ITGAD: variants seen among roughly 807,000 people sequenced by gnomAD.
The protein encoded by ITGAD is integrin subunit alpha D.
ITGAD carries 105 observed loss-of-function variants against 139.0 expected under a neutral mutation model. The ratio of observed to expected loss-of-function variants is 0.76; its 90% CI spans 0.65 to 0.89. ITGAD has a LOEUF of 0.89. ITGAD is among the 40% of genes least tolerant of loss of function. ITGAD has a pLI of 0.00. For synonymous variants in ITGAD, 569 were observed against 598.3 expected (o/e 0.95, Z 0.71); for missense variants, 1,384 against 1,487.3 (o/e 0.93, Z 1.14).
At position 31,426,311 on chromosome 16, in the gene ITGAD, C is replaced by G; in HGVS notation, c.*183C>G. 3.7e-6 allele frequency: 2 copies of G among 536,172 alleles called. No homozygotes were observed. Among genetic ancestry groups the G allele is most frequent in the Non-Finnish European group, 6.7e-6 (2 of 297,816 alleles). The allele number at this position is 536,172 out of a possible 1,614,324, so 33.2% of individuals were successfully genotyped here. On this transcript the variant is annotated 3_prime_UTR_variant, in exon 30 of 30. Transcript: ENST00000389202. Reference sequence around the variant, plus strand: ...TTACATATCTGTCCATCTTTTTCAGCAATGACCCACTTTTTACAGAAGCAG... The same window carrying G: ...TTACATATCTGTCCATCTTTTTCAGGAATGACCCACTTTTTACAGAAGCAG...
intron 2 of ITGAD, among the ~76,000 whole-genome samples, chr16:31,396,361 T>C (rs1456143830): frequency 6.6e-6 from 1 of 152,194 alleles, no homozygotes; most frequent in African/African-American, 2.4e-5. Context: ...TAATCCCAGC[T>C]AGCTGGGTGA....
rs770676766 is a variant in ITGAD, at chr16:31,403,660, C to G, written c.704+15C>G. 15 of 1,613,810 alleles carry G rather than the reference C, an allele frequency of 9.3e-6. No individual in the cohort carries two copies. Among genetic ancestry groups the G allele is most frequent in the Admixed American group, 1.7e-5 (1 of 59,992 alleles). On this transcript the variant is annotated intron_variant, in intron 7 of 29. Transcript: ENST00000389202. This position sits in a 1 kb window ranked among gnomAD's most constrained non-coding sequence, Gnocchi z 4.4. ...CTGACAGTGGTGTAAGCAACCCCGA[C>G]CCCAGCCTGGCGATGTGACTGCCAC... is the stretch of plus-strand genomic sequence containing the variant.
Position 31,424,554 on chromosome 16 carries a change from C to T in ITGAD, c.3349C>T (p.Leu1117Phe), listed in dbSNP as rs772439863. ...TGTGGGGGCTCTGCTACTGCTGGCG[C>T]TCATCACAGCCACACTGTACAAGGC... ...SSVGALLLLA[L>F]ITATLYKLGF... Residue 1117 changes from leucine (L) to phenylalanine (F), a missense_variant, in exon 29 of 30, where the codon CTC becomes TTC. Transcript: ENST00000389202. 1.2e-6 allele frequency: 2 copies of T among 1,612,298 alleles called. No individual in the cohort carries two copies. The highest frequency in any genetic ancestry group is 1.7e-6 in the Non-Finnish European group (2 of 1,178,828).
At chr16:31,415,419 T>C (rs1409894515) in intron 18 of ITGAD, among the ~76,000 whole-genome samples, 1 of 152,200 alleles carries the variant, frequency 6.6e-6, no homozygotes, top group East Asian at 1.9e-4. Flanking sequence ...CTTGGCCTCC[T>C]GGCCTCTCTG....
At position 31,423,651 on chromosome 16, in the gene ITGAD, G is replaced by A; in HGVS notation, c.3045+3G>A. ...AGATTTCAAGAAGTCCCATGCTGGT[G>A]AGAAAGTCCCTGAACCCCCACCGCC... On this transcript the variant is annotated splice_donor_region_variant and intron_variant, in intron 26 of 29. Transcript: ENST00000389202. 2 of 1,613,042 alleles carry A rather than the reference G, an allele frequency of 1.2e-6. No homozygotes were observed. Among genetic ancestry groups the A allele is most frequent in the Non-Finnish European group, 1.7e-6 (2 of 1,179,254 alleles).
At chr16:31,399,484 C>T (rs2081352131) in intron 5 of ITGAD, among the ~76,000 whole-genome samples, 1 of 152,038 alleles carries the variant, frequency 6.6e-6, no homozygotes, top group African/African-American at 2.4e-5. Flanking sequence ...GCATGCTGGG[C>T]CTTTAGACAA....
rs201322543 is a variant in ITGAD at position 31,407,689 on chromosome 16, T to C, written c.858+21T>C. On this transcript the variant is annotated intron_variant, in intron 8 of 29. Transcript: ENST00000389202. The stretch of plus-strand genomic sequence containing the variant: ...TCGGGGTGCGCCTCTTCTTCACCCC[T>C]GCCCCAGGCTCAGCCTGCATCTCCT... 7.0e-5 allele frequency: 113 copies of C among 1,613,750 alleles called. No individual in the cohort carries two copies. The East Asian group carries it at 2.4e-3, about 34-fold the overall frequency.
intron 2 of ITGAD, among the ~76,000 whole-genome samples, chr16:31,396,598 T>C (rs2081269064): frequency 6.6e-6 from 1 of 152,228 alleles, no homozygotes; most frequent in Non-Finnish European, 1.5e-5. Context: ...ATCCCCTGAA[T>C]CATGATGCAC....
chr16:31,397,835 C>T lies in ITGAD; in HGVS notation c.353C>T (p.Ser118Leu). 4 of 1,613,756 alleles carry T rather than the reference C, an allele frequency of 2.5e-6. No homozygotes were observed. The highest frequency in any genetic ancestry group is 3.4e-6 in the Non-Finnish European group (4 of 1,180,014). The change falls in exon 5 of 30, where the codon TCA (serine) becomes TTA (leucine). Residue 118 changes from serine (S) to leucine (L), a missense_variant. Coordinates refer to ENST00000389202, the MANE Select transcript of ITGAD (RefSeq NM_005353.3). ...CTGCACAGAGTCTGTGGGGAGAACT[C>T]ATACTCAAAGGGTTCCTGCCTCCTG... is the stretch of plus-strand genomic sequence containing the variant. The part of the protein sequence containing the change: ...PTLHRVCGEN[S>L]YSKGSCLLLG...
In ITGAD at chr16:31,403,475, GGGCCCTCCCCACT is replaced by G. The variant is rs1389134612; in HGVS notation, c.559-20_559-8del. ...ACAATAGTAACAGGCACTGAGCCCT[GGGCCCTCCCCACT>G]GGCCTTTGCAGTTTGCACTGATGCA... On this transcript the variant is annotated splice_polypyrimidine_tract_variant and intron_variant, in intron 6 of 29. Coordinates refer to ENST00000389202, the MANE Select transcript of ITGAD (RefSeq NM_005353.3). This position sits in a 1 kb window ranked among gnomAD's most constrained non-coding sequence, Gnocchi z 4.4. The G allele has an allele frequency of 1.2e-6, 2 of 1,613,812 alleles. No homozygotes were observed. Among genetic ancestry groups the G allele is most frequent in the Non-Finnish European group, 1.7e-6 (2 of 1,179,870 alleles).
intron 4 of ITGAD, 40 bp downstream of exon 4, chr16:31,397,706 C>CGGGGGGGGG: frequency 6.7e-6 from 2 of 299,966 alleles, no homozygotes; most frequent in Admixed American, 6.1e-5. Context: ...TGGGGTGGGG[C>CGGGGGGGGG]GGGGGGTGTT....
chr16:31,397,706 C>CCCGGGG, intron 4 of ITGAD, 40 bp downstream of exon 4: 2 of 299,958 alleles, frequency 6.7e-6, no homozygotes, highest in Non-Finnish European at 1.1e-5. Context: ...TGGGGTGGGG[C>CCCGGGG]GGGGGGTGTT....
chr16:31,416,641 G>T lies in ITGAD; in HGVS notation c.2494G>T (p.Ala832Ser). ...AGLSHRRVSGAQKQPHQSALR... is the reference protein window; with the variant it reads ...AGLSHRRVSGSQKQPHQSALR... ...GCTGTCGCACCGACGGGTGTCAGGA[G>T]CCCAGGTAACAACTGCTGTAGGCTC... is the stretch of plus-strand genomic sequence containing the variant. Residue 832 changes from alanine to serine, a missense_variant, in exon 20 of 30, where the codon GCC becomes TCC. By Grantham distance (99) the Ala-to-Ser change is moderately conservative. Transcript: ENST00000389202. 1 of 1,607,564 alleles carries T rather than the reference G, an allele frequency of 6.2e-7. No individual in the cohort carries two copies. Among genetic ancestry groups the T allele is most frequent in the South Asian group, 1.1e-5 (1 of 90,882 alleles).
At chr16:31,397,319 TC>T (rs1164386174) in intron 2 of ITGAD, 39 bp from the exon 3 acceptor site, 1 of 1,405,116 alleles carries the variant, frequency 7.1e-7, no homozygotes, top group Admixed American at 2.0e-5. Context: ...CTCCCACCCC[TC>T]CTGTGGCTGC....
intron 6 of ITGAD, chr16:31,402,515 A>G (rs1217349301): frequency 3.6e-6 from 1 of 274,030 alleles, no homozygotes; most frequent in East Asian, 6.5e-5. Flanking sequence ...TTGCTATGGA[A>G]TTTGACTGAC....
intron 5 of ITGAD, among the ~76,000 whole-genome samples, chr16:31,398,479 C>T (rs2081327986): frequency 6.6e-6 from 1 of 150,718 alleles, no homozygotes; most frequent in East Asian, 1.9e-4. Flanking sequence ...GCATGCACCA[C>T]CACACCCTGC....
chr16:31,398,243 C>T (rs1268838078), intron 5 of ITGAD, among the ~76,000 whole-genome samples: 2 of 149,120 alleles, frequency 1.3e-5, no homozygotes, highest in South Asian at 2.2e-4. Flanking sequence ...GTGGTGAAAC[C>T]CCTCTACTAA....
intron 1 of ITGAD, among the ~76,000 whole-genome samples, chr16:31,393,796 C>T (rs941708335): frequency 2.0e-5 from 3 of 152,048 alleles, no homozygotes; most frequent in Non-Finnish European, 4.4e-5. Flanking sequence ...GAAGAGGCCC[C>T]CTGCTGAAAA....
chr16:31,397,408 C>T lies in ITGAD; in HGVS notation c.187C>T (p.Arg63Trp), dbSNP rs773270511. The T allele has an allele frequency of 1.6e-5, 26 of 1,604,536 alleles. No homozygotes were observed. Among genetic ancestry groups the T allele is most frequent in the Middle Eastern group, 1.6e-4 (1 of 6,074 alleles). Residue 63 changes from arginine to tryptophan, a missense_variant, in exon 3 of 30, where the codon CGG (arginine) becomes TGG (tryptophan). By Grantham distance (101) the Arg-to-Trp change is moderately radical. Transcript: ENST00000389202. ...LEVVAANQTG[R>W]LYDCAAATGM... ...GGTGGTGGCGGCCAACCAGACGGGA[C>T]GGCTGTATGACTGCGCAGCTGCCAC...
Sources: allele counts gnomAD v4.1 joint callset (sites outside exome capture counted in the v4.1 genomes callset), GRCh38; gene constraint gnomAD v4.1.1; non-coding constraint Gnocchi (gnomAD v3.1); transcripts MANE v1.5; gene names NCBI Gene and HGNC (gene_info 2026-07-23, HGNC 2026-07-21).